CSMD1: variants seen among roughly 807,000 people sequenced by gnomAD.
CSMD1 encodes the protein CUB and Sushi multiple domains 1.
In CSMD1, 213 loss-of-function variants were observed where a neutral mutation model predicts 417.5. That is an observed-to-expected ratio of 0.51 (90% CI 0.46 to 0.57). CSMD1 has a LOEUF of 0.57. CSMD1 is among the 20% of genes least tolerant of loss of function. The pLI, the probability that CSMD1 is intolerant of heterozygous loss-of-function variation, is 0.00. For synonymous variants in CSMD1, 2,862 were observed against 1,736.8 expected (o/e 1.65, Z -16.11); for missense variants, 6,923 against 4,529.7 (o/e 1.53, Z -15.17).
chr8:3,165,312 C>G (rs1049494331), intron 37 of CSMD1, among the ~76,000 whole-genome samples: 1 of 152,068 alleles, frequency 6.6e-6, no homozygotes, highest in Non-Finnish European at 1.5e-5. Context: ...TGATCAGAGC[C>G]CAAGTATTTT....
chr8:3,217,413 C>G (rs1797943105), intron 29 of CSMD1, among the ~76,000 whole-genome samples: 2 of 152,164 alleles, frequency 1.3e-5, no homozygotes, highest in African/African-American at 4.8e-5. Flanking sequence ...ATTCGTTGGC[C>G]CATTTATTCA....
intron 3 of CSMD1, among the ~76,000 whole-genome samples, chr8:4,398,259 T>C (rs1804393866): frequency 6.6e-6 from 1 of 152,176 alleles, no homozygotes; most frequent in Non-Finnish European, 1.5e-5. Flanking sequence ...TGTAATATTG[T>C]GGTGTGGTTA....
chr8:4,300,525 CT>C (rs376445695), intron 3 of CSMD1, among the ~76,000 whole-genome samples: 3 of 151,886 alleles, frequency 2.0e-5, no homozygotes, highest in South Asian at 2.1e-4. Flanking sequence ...CCTTTACAGA[CT>C]TTTTTTTACA....
chr8:4,026,219 G>T (rs867663696), intron 4 of CSMD1, among the ~76,000 whole-genome samples: 4 of 152,104 alleles, frequency 2.6e-5, no homozygotes, highest in African/African-American at 4.8e-5. Context: ...AAATCCATGA[G>T]AAACTGTGCT....
chr8:4,636,962 C>G (rs1179203794), intron 2 of CSMD1, among the ~76,000 whole-genome samples: 1 of 152,130 alleles, frequency 6.6e-6, no homozygotes, highest in Non-Finnish European at 1.5e-5. Flanking sequence ...ACACACCAAT[C>G]AGCAGGATCG....
intron 1 of CSMD1, among the ~76,000 whole-genome samples, chr8:4,728,320 TCTC>T (rs1313226275): frequency 1.3e-5 from 2 of 151,698 alleles, no homozygotes; most frequent in African/African-American, 2.4e-5. Flanking sequence ...TTTTAGTGGT[TCTC>T]TTTTTAAAAA....
chr8:4,050,812 T>G (rs1446065324), intron 3 of CSMD1, among the ~76,000 whole-genome samples: 1 of 152,190 alleles, frequency 6.6e-6, no homozygotes, highest in African/African-American at 2.4e-5. Flanking sequence ...TTTACCATCT[T>G]TATCTCAAGT....
At chr8:4,824,425 G>C (rs1799696850) in intron 1 of CSMD1, among the ~76,000 whole-genome samples, 2 of 152,042 alleles carry the variant, frequency 1.3e-5, no homozygotes, top group South Asian at 4.1e-4. Context: ...CTAACATGTG[G>C]TTCCGGGTAG....
At chr8:4,164,136 T>C (rs902127333) in intron 3 of CSMD1, among the ~76,000 whole-genome samples, 2 of 152,100 alleles carry the variant, frequency 1.3e-5, no homozygotes, top group African/African-American at 2.4e-5. Context: ...TACCTGATAG[T>C]GTTCTCTTAA....
chr8:3,780,084 T>C (rs9650511), intron 5 of CSMD1, among the ~76,000 whole-genome samples: 26,283 of 152,240 alleles, frequency 0.17, 2,880 homozygotes, highest in South Asian at 0.25. Context: ...AAAATCCTTT[T>C]ACTGTACCAG....
intron 12 of CSMD1, among the ~76,000 whole-genome samples, chr8:3,422,799 A>G (rs1813580356): frequency 6.6e-6 from 1 of 152,184 alleles, no homozygotes; most frequent in Admixed American, 6.5e-5. Flanking sequence ...GAGGCTAGGA[A>G]GATCAAGATA....
chr8:3,711,250 G>C (rs1233790418), intron 6 of CSMD1, among the ~76,000 whole-genome samples: 1 of 152,142 alleles, frequency 6.6e-6, no homozygotes, highest in African/African-American at 2.4e-5. Flanking sequence ...TGGTTACATG[G>C]CTGGAAAAAA....
At chr8:4,754,540 C>G (rs1051740594) in intron 1 of CSMD1, among the ~76,000 whole-genome samples, 2 of 136,462 alleles carry the variant, frequency 1.5e-5, no homozygotes, top group South Asian at 2.3e-4. Context: ...GTACTGCACA[C>G]TTTGTTTTTT....
chr8:4,538,255 T>C (rs1245946896), intron 2 of CSMD1, among the ~76,000 whole-genome samples: 1 of 151,574 alleles, frequency 6.6e-6, no homozygotes, highest in Non-Finnish European at 1.5e-5. Flanking sequence ...ATTTTTCTAA[T>C]CCCTCTTCTG....
intron 1 of CSMD1, among the ~76,000 whole-genome samples, chr8:4,727,655 G>A (rs1364785868): frequency 6.6e-6 from 1 of 151,944 alleles, no homozygotes; most frequent in Admixed American, 6.6e-5. Context: ...GAAATCCACG[G>A]GGACCAGCTC....
chr8:3,262,961 C>G (rs13248596), intron 26 of CSMD1, among the ~76,000 whole-genome samples: 1 of 152,054 alleles, frequency 6.6e-6, no homozygotes, highest in Non-Finnish European at 1.5e-5. Flanking sequence ...AATTAAAAGA[C>G]GTAATATTCA....
At chr8:3,119,406 A>AC (rs1171123809) in intron 41 of CSMD1, among the ~76,000 whole-genome samples, 3 of 144,266 alleles carry the variant, frequency 2.1e-5, no homozygotes, top group Non-Finnish European at 4.5e-5. Context: ...AAAAAAAAAA[A>AC]AAAAAACACT....
intron 5 of CSMD1, among the ~76,000 whole-genome samples, chr8:3,863,328 T>G (rs1038104845): frequency 6.8e-6 from 1 of 146,862 alleles, no homozygotes; most frequent in Admixed American, 7.1e-5. Flanking sequence ...ACCCAGGAGA[T>G]GGTGGTTGCA....
chr8:3,914,129 G>GA (rs1231061387), intron 5 of CSMD1, among the ~76,000 whole-genome samples: 1 of 152,096 alleles, frequency 6.6e-6, no homozygotes, highest in Non-Finnish European at 1.5e-5. Context: ...AATTTTATAT[G>GA]AATAGAGTAT....
Sources: allele counts gnomAD v4.1 joint callset (sites outside exome capture counted in the v4.1 genomes callset), GRCh38; gene constraint gnomAD v4.1.1; transcripts MANE v1.5; gene names NCBI Gene and HGNC (gene_info 2026-07-23, HGNC 2026-07-21).